The following ASAP1 variants were observed in gnomAD, a reference collection of about 807,000 sequenced individuals.
ASAP1 encodes ArfGAP with SH3 domain, ankyrin repeat and PH domain 1.
A neutral mutation model predicts 145.2 loss-of-function variants in ASAP1; 43 were observed. The ratio of observed to expected loss-of-function variants is 0.30; its 90% confidence interval spans 0.23 to 0.38. The LOEUF is 0.38. Among genes scored for constraint, ASAP1 ranks in the 10% least tolerant of loss-of-function variants. ASAP1 has a pLI of 1.00. For synonymous variants in ASAP1, 546 were observed against 515.5 expected (o/e 1.06, Z -0.80); for missense variants, 1,018 against 1,355.3 (o/e 0.75, Z 3.91).
chr8:130,084,625 C>T (rs1181222033), intron 25 of ASAP1: 1 of 152,078 alleles, frequency 6.6e-6, no homozygotes, highest in Non-Finnish European at 1.5e-5. Flanking sequence ...ACTATACAGG[C>T]CTTGGAGTTG....
chr8:130,363,455 A>G, intron 2 of ASAP1, among the ~76,000 whole-genome samples: 1 of 152,360 alleles, frequency 6.6e-6, no homozygotes, highest in Admixed American at 6.5e-5. Flanking sequence ...TGCTAAGTAT[A>G]GAATTTAGAA....
At chr8:130,430,010 T>C (rs1830082204) in intron 1 of ASAP1, among the ~76,000 whole-genome samples, 1 of 152,096 alleles carries the variant, frequency 6.6e-6, no homozygotes, top group African/African-American at 2.4e-5. Flanking sequence ...AGGTGGCCAA[T>C]GGAAAGATCA....
chr8:130,160,185 C>T, intron 11 of ASAP1: 1 of 520,138 alleles, frequency 1.9e-6, no homozygotes, highest in Non-Finnish European at 3.5e-6. Context: ...GTCTGGGTCT[C>T]TGATTTCTAG....
At chr8:130,425,412 G>A (rs1461279738) in intron 1 of ASAP1, among the ~76,000 whole-genome samples, 7 of 151,996 alleles carry the variant, frequency 4.6e-5, no homozygotes, top group Non-Finnish European at 2.9e-5. Context: ...AACTGTTTGG[G>A]AGGCTGAGGT....
intron 3 of ASAP1, among the ~76,000 whole-genome samples, chr8:130,260,884 C>T (rs1180739531): frequency 6.6e-6 from 1 of 152,196 alleles, no homozygotes; most frequent in Non-Finnish European, 1.5e-5. Flanking sequence ...CAGACATAAA[C>T]TATATTGTGG....
chr8:130,361,672 T>A (rs1373106188), intron 2 of ASAP1: 1 of 1,529,550 alleles, frequency 6.5e-7, no homozygotes, highest in East Asian at 2.4e-5. Context: ...CTACTCACCA[T>A]TTCTGGGCCA....
chr8:130,192,771 A>G (rs1014866478), intron 5 of ASAP1, among the ~76,000 whole-genome samples: 1 of 152,202 alleles, frequency 6.6e-6, no homozygotes, highest in African/African-American at 2.4e-5. Flanking sequence ...AGAGGGGTCA[A>G]TATGCTCACT....
intron 3 of ASAP1, among the ~76,000 whole-genome samples, chr8:130,278,951 T>A (rs1821091022): frequency 6.6e-6 from 1 of 152,108 alleles, no homozygotes; most frequent in South Asian, 2.1e-4. Context: ...TTCAAAACAA[T>A]CCTTACAGAC....
At chr8:130,186,948 T>C (rs1814774331) in intron 7 of ASAP1, among the ~76,000 whole-genome samples, 3 of 152,218 alleles carry the variant, frequency 2.0e-5, no homozygotes, top group Admixed American at 6.5e-5. Flanking sequence ...ATGAGAGTCA[T>C]AGCCCTATAA....
chr8:130,214,985 C>T (rs1816809226), intron 4 of ASAP1, among the ~76,000 whole-genome samples: 1 of 152,150 alleles, frequency 6.6e-6, no homozygotes, highest in South Asian at 2.1e-4. Context: ...ACTGCACCCT[C>T]CGCCTCCCAG....
At chr8:130,115,340 G>A (rs1265288875) in intron 23 of ASAP1, among the ~76,000 whole-genome samples, 1 of 152,220 alleles carries the variant, frequency 6.6e-6, no homozygotes, top group Non-Finnish European at 1.5e-5. Context: ...TTTCCAGCCT[G>A]CTGGCCTGCC....
At chr8:130,322,949 G>A (rs1165003867) in intron 3 of ASAP1, among the ~76,000 whole-genome samples, 1 of 152,200 alleles carries the variant, frequency 6.6e-6, no homozygotes, top group Non-Finnish European at 1.5e-5. Flanking sequence ...ACACCCATAG[G>A]ACCAGTTCTA....
intron 25 of ASAP1, among the ~76,000 whole-genome samples, chr8:130,089,575 T>C (rs954048515): frequency 6.6e-6 from 1 of 152,204 alleles, no homozygotes; most frequent in African/African-American, 2.4e-5. Context: ...CCTAAGTGCC[T>C]TGCTGATGAC....
At chr8:130,154,808 T>C (rs2097654706) in intron 12 of ASAP1, among the ~76,000 whole-genome samples, 1 of 152,242 alleles carries the variant, frequency 6.6e-6, no homozygotes, top group Non-Finnish European at 1.5e-5. Context: ...TTCAGAATGC[T>C]AGCCTTGCTG....
intron 1 of ASAP1, among the ~76,000 whole-genome samples, chr8:130,403,329 C>T (rs1828881761): frequency 1.3e-5 from 2 of 151,316 alleles, no homozygotes; most frequent in South Asian, 4.2e-4. Context: ...ATAAGACTGA[C>T]ACTTAACAAT....
chr8:130,078,373 C>T (rs1564933923), intron 26 of ASAP1, among the ~76,000 whole-genome samples: 1 of 152,096 alleles, frequency 6.6e-6, no homozygotes, highest in Non-Finnish European at 1.5e-5. Context: ...TGACTCACTG[C>T]AGCCTCAATT....
At chr8:130,442,256 A>G (rs1356102065) in intron 1 of ASAP1, among the ~76,000 whole-genome samples, 1 of 152,186 alleles carries the variant, frequency 6.6e-6, no homozygotes, top group African/African-American at 2.4e-5. Flanking sequence ...CTAACACAGA[A>G]GGGGCATGGG....
At chr8:130,299,621 A>G (rs1170276881) in intron 3 of ASAP1, among the ~76,000 whole-genome samples, 3 of 152,196 alleles carry the variant, frequency 2.0e-5, no homozygotes, top group South Asian at 2.1e-4. Context: ...GTGACAAGAT[A>G]GAGAGACTAA....
At chr8:130,117,059 C>T (rs2097557458) in intron 20 of ASAP1, 64 bp from the exon 21 acceptor site, 3 of 1,176,856 alleles carry the variant, frequency 2.5e-6, no homozygotes, top group Non-Finnish European at 3.6e-6. Flanking sequence ...TATAGATTAG[C>T]CACTTATTTT....
Sources: gnomAD v4.1 joint callset for allele counts (sites outside exome capture counted in the v4.1 genomes callset) on GRCh38, gnomAD v4.1.1 for gene constraint, MANE v1.5 for transcripts, NCBI Gene and HGNC (gene_info 2026-07-23, HGNC 2026-07-21) for gene names.